The following SCGB2B2 variants were observed in gnomAD, a reference collection of about 807,000 sequenced individuals.
SCGB2B2 encodes secretoglobin family 2B member 2, also known as secretoglobin-like protein.
SCGB2B2 carries 11 observed loss-of-function variants against 7.6 expected under a neutral mutation model. That is an observed-to-expected ratio of 1.45 (90% CI 0.91 to 2.40). SCGB2B2 has a LOEUF of 2.40. Among genes scored for constraint, SCGB2B2 ranks in the 30% most tolerant of loss-of-function variants. SCGB2B2 has a pLI of 0.00. For missense variants in SCGB2B2, 104 were observed against 115.4 expected (o/e 0.90, Z 0.45); for synonymous variants, 50 against 48.6 (o/e 1.03, Z -0.12).
chr19:34,610,369 CCA>C (rs1283986564), intron 1 of SCGB2B2, among the ~76,000 whole-genome samples: 20 of 152,030 alleles, frequency 1.3e-4, no homozygotes, highest in African/African-American at 4.8e-4. Flanking sequence ...ATGAAAGTGG[CCA>C]TTCTTGTCTT....
intron 1 of SCGB2B2, among the ~76,000 whole-genome samples, chr19:34,615,411 G>C (rs2066043851): frequency 6.6e-6 from 1 of 150,666 alleles, no homozygotes; most frequent in Non-Finnish European, 1.5e-5. Context: ...CTGATCATGT[G>C]TAGGGGATGG....
chr19:34,607,697 C>T (rs1600043408), intron 1 of SCGB2B2, among the ~76,000 whole-genome samples: 1 of 152,164 alleles, frequency 6.6e-6, no homozygotes, highest in Admixed American at 6.5e-5. Context: ...CCTGATGATT[C>T]GTGATGGTGA....
At chr19:34,586,644 T>C (rs146098921), downstream of SCGB2B2, among the ~76,000 whole-genome samples, 1 of 152,374 alleles carries the variant, frequency 6.6e-6, no homozygotes, top group Non-Finnish European at 1.5e-5. Context: ...ATACTCACTA[T>C]TTTTGATGTA....
rs1041860581 is a variant in SCGB2B2 at position 34,616,762 on chromosome 19, T to C, written c.-2031-20168A>G. The stretch of plus-strand genomic sequence containing the variant: ...GTTTTAGACATGAAGTCCTTGCCCA[T>C]GCCTATGTCCTGAATGGTATTGCCT... On this transcript the variant is annotated intron_variant, in intron 1 of 3. Coordinates refer to ENST00000601241, the MANE Select transcript of SCGB2B2 (RefSeq NM_001025591.4). 2.6e-5 allele frequency among the ~76,000 whole-genome samples: 4 copies of C among 151,346 alleles called. No homozygotes were observed. The East Asian group carries it at 5.8e-4, about 22-fold the overall frequency.
chr19:34,645,658 T>C (rs1568439492), intron 1 of SCGB2B2: 1 of 372,078 alleles, frequency 2.7e-6, no homozygotes, highest in Non-Finnish European at 5.4e-6. Context: ...CAGACTCCAC[T>C]GTCATGAGGA....
chr19:34,656,495 C>T (rs1010548308), intron 1 of SCGB2B2, among the ~76,000 whole-genome samples: 4 of 151,028 alleles, frequency 2.6e-5, no homozygotes, highest in Non-Finnish European at 4.4e-5. Context: ...CCCAGCTACT[C>T]GGGAGGCTGA....
At chr19:34,611,795 G>A (rs921273459) in intron 1 of SCGB2B2, among the ~76,000 whole-genome samples, 2 of 151,192 alleles carry the variant, frequency 1.3e-5, no homozygotes, top group Non-Finnish European at 2.9e-5. Flanking sequence ...GATTACAGGT[G>A]CCTGCTACCA....
At chr19:34,599,589 C>T (rs957461819) in intron 1 of SCGB2B2, among the ~76,000 whole-genome samples, 9 of 152,060 alleles carry the variant, frequency 5.9e-5, no homozygotes, top group Non-Finnish European at 1.2e-4. Context: ...TGGGGAAAAT[C>T]CCTCATGAAT....
intron 1 of SCGB2B2, among the ~76,000 whole-genome samples, chr19:34,663,407 A>T (rs144078918): frequency 1.1e-4 from 17 of 152,374 alleles, no homozygotes; most frequent in Non-Finnish European, 2.2e-4. Flanking sequence ...AGCAATGTGG[A>T]TTGATAGCAA....
chr19:34,587,654 G>T (rs1312124257), downstream of SCGB2B2, among the ~76,000 whole-genome samples: 1 of 152,184 alleles, frequency 6.6e-6, no homozygotes, highest in Non-Finnish European at 1.5e-5. Context: ...ACTATGATGT[G>T]AATAGGCTGT....
intron 1 of SCGB2B2, among the ~76,000 whole-genome samples, chr19:34,665,568 G>C (rs1379440557): frequency 3.3e-5 from 5 of 152,138 alleles, no homozygotes; most frequent in Admixed American, 6.5e-5. Flanking sequence ...GGTGGCACTT[G>C]TGGGGCAGTC....
intron 1 of SCGB2B2, among the ~76,000 whole-genome samples, chr19:34,599,281 G>C (rs116817190): frequency 6.6e-6 from 1 of 152,236 alleles, no homozygotes; most frequent in Non-Finnish European, 1.5e-5. Context: ...AGCTGTGGAG[G>C]AGTTGGGGCA....
chr19:34,615,976 A>C (rs2066066986), intron 1 of SCGB2B2, among the ~76,000 whole-genome samples: 1 of 151,662 alleles, frequency 6.6e-6, no homozygotes, highest in East Asian at 1.9e-4. Flanking sequence ...ACTGAGAATG[A>C]TGATTTCCAA....
In SCGB2B2 at chr19:34,595,723, C is replaced by A. The variant is rs75296107; in HGVS notation, c.-1160G>T. ...CCACAAGCCCTTTTCCCAGCACCTA[C>A]ATATGAGGGAGCTGATGTCACTCAC... On this transcript the variant is annotated 5_prime_UTR_variant, in exon 2 of 4. The change abolishes an upstream ATG in the 5' untranslated region. Coordinates refer to ENST00000601241, the MANE Select transcript of SCGB2B2 (RefSeq NM_001025591.4). 0.024 allele frequency: 3,729 copies of A among 152,324 alleles called. 87 individuals are homozygous for A. Among genetic ancestry groups the A allele is most frequent in the Non-Finnish European group, 0.038 (2,564 of 68,030 alleles). 9.4% of individuals were successfully genotyped at this position (152,324 alleles called of 1,614,324 possible). A position where few individuals can be genotyped will look rare whatever the true frequency, so the allele number is the denominator to read the frequency against.
In SCGB2B2 at chr19:34,596,437, G is replaced by A. The variant is rs2065456626; in HGVS notation, c.-1874C>T. 1 of 152,898 alleles carries A rather than the reference G, an allele frequency of 6.5e-6. No individual in the cohort carries two copies. The allele number at this position is 152,898 out of a possible 1,614,324, so 9.5% of individuals were successfully genotyped here. A position where few individuals can be genotyped will look rare whatever the true frequency, so the allele number is the denominator to read the frequency against. On this transcript the variant is annotated 5_prime_UTR_variant, in exon 2 of 4. Coordinates refer to ENST00000601241, the MANE Select transcript of SCGB2B2 (RefSeq NM_001025591.4). ...TGCGGGACGAGGCTTGGGTGCACGT[G>A]TGTGAGAATGGGATTTTGTGTGTGT...
intron 1 of SCGB2B2, among the ~76,000 whole-genome samples, chr19:34,662,976 A>C (rs1244285314): frequency 1.3e-5 from 2 of 152,188 alleles, no homozygotes; most frequent in Non-Finnish European, 2.9e-5. Flanking sequence ...AAACAATAAA[A>C]GTGCGGAAAA....
At chr19:34,669,714 T>TACACACACACACACACAC (rs1555750462) in intron 1 of SCGB2B2, among the ~76,000 whole-genome samples, 3,964 of 139,530 alleles carry the variant, frequency 0.028, 123 homozygotes, top group African/African-American at 0.06. Flanking sequence ...TGCCCCCACT[T>TACACACACACACACACAC]ACACACACAC....
At chr19:34,645,511 CACAGACACACACAGACACACACAG>C (rs776092730) in intron 1 of SCGB2B2, 3,279 of 41,556 alleles carry the variant, frequency 0.079, 57 homozygotes, top group South Asian at 0.18. Context: ...TACACAGACA[CACAGACACACACAGACACACACAG>C]ACACAGACAC....
chr19:34,631,361 T>C (rs1382628847), intron 1 of SCGB2B2, among the ~76,000 whole-genome samples: 10 of 151,672 alleles, frequency 6.6e-5, no homozygotes, highest in Non-Finnish European at 1.3e-4. Flanking sequence ...TTAGTCTTAG[T>C]ATATTTTATC....
Sources: gnomAD v4.1 joint callset for allele counts (sites outside exome capture counted in the v4.1 genomes callset) on GRCh38, gnomAD v4.1.1 for gene constraint, MANE v1.5 for transcripts, NCBI Gene and HGNC (gene_info 2026-07-23, HGNC 2026-07-21) for gene names.